The following ZNF681 variants were observed in gnomAD, a reference collection of about 807,000 sequenced individuals.
The protein encoded by ZNF681 is hypothetical protein FLJ31526.
ZNF681 carries 37 observed loss-of-function variants against 56.0 expected under a neutral mutation model. The observed-to-expected ratio is 0.66, with a 90% confidence interval of 0.51 to 0.87. The LOEUF (loss-of-function observed/expected upper bound fraction) is 0.87, where lower values mean the gene tolerates loss of function less well. Among genes scored for constraint, ZNF681 ranks in the 40% least tolerant of loss-of-function variants. The pLI is 0.00. For synonymous variants in ZNF681, 225 were observed against 248.6 expected (o/e 0.91, Z 0.89); for missense variants, 741 against 744.9 (o/e 0.99, Z 0.06).
At chr19:23,754,411 C>T (rs938541671) in intron 3 of ZNF681, among the ~76,000 whole-genome samples, 8 of 152,124 alleles carry the variant, frequency 5.3e-5, no homozygotes, top group Non-Finnish European at 1.0e-4. Context: ...TGCCTGTAAT[C>T]GCAGCACTTT....
chr19:23,741,427 A>G lies in ZNF681; in HGVS notation c.*2185T>C, dbSNP rs1284859383. 1.3e-5 allele frequency: 2 copies of G among 152,200 alleles called. No individual in the cohort carries two copies. The highest frequency in any genetic ancestry group is 2.9e-5 in the Non-Finnish European group (2 of 68,042). The allele number at this position is 152,200 out of a possible 1,614,324, so 9.4% of individuals were successfully genotyped here. On this transcript the variant is annotated 3_prime_UTR_variant, in exon 4 of 4. Coordinates refer to ENST00000402377, the MANE Select transcript of ZNF681 (RefSeq NM_138286.3). ...TTTAATGTACATTTGAAAACAACTA[A>G]AAGTGGCTGGGTGTGGTGGCTCCCA...
Position 23,744,175 on chromosome 19 carries a change from A to G in ZNF681, c.1375T>C (p.Phe459Leu), listed in dbSNP as rs1189406289. The part of the protein sequence containing the change: ...PYKCEECGKA[F>L]NQFSNLTTHK... ...GTAGTAAGGTTTGAGAACTGGTTAA[A>G]GGCTTTCCCACATTCTTCACATTTG... The change falls in exon 4 of 4, where the codon TTT (phenylalanine) becomes CTT (leucine). Residue 459 changes from phenylalanine (F) to leucine (L), a missense_variant. Physicochemically the swap from Phe to Leu is conservative, Grantham distance 22. Transcript: ENST00000402377. 6.8e-6 allele frequency: 11 copies of G among 1,613,298 alleles called. No homozygotes were observed. The Middle Eastern group carries it at 9.9e-4, about 145-fold the overall frequency.
intron 3 of ZNF681, among the ~76,000 whole-genome samples, chr19:23,753,422 G>C (rs928266610): frequency 3.9e-5 from 6 of 152,416 alleles, no homozygotes; most frequent in African/African-American, 1.4e-4. Context: ...ATTTACAATA[G>C]CATTAAAATA....
rs1968859812 is a variant in ZNF681 at position 23,740,120 on chromosome 19, A to C, written c.*3492T>G. 1 of 152,172 alleles carries C rather than the reference A, an allele frequency of 6.6e-6. No homozygotes were observed. Among genetic ancestry groups the C allele is most frequent in the Non-Finnish European group, 1.5e-5 (1 of 68,022 alleles). The allele number at this position is 152,172 out of a possible 1,614,324, so 9.4% of individuals were successfully genotyped here. ...TAACAAACAGAGAAAAACAACGCTAAATGATTTAATCCTTTCATCTGTGGA... is the reference window on the plus strand; with the variant it reads ...TAACAAACAGAGAAAAACAACGCTACATGATTTAATCCTTTCATCTGTGGA... On this transcript the variant is annotated 3_prime_UTR_variant, in exon 4 of 4. Coordinates refer to ENST00000402377, the MANE Select transcript of ZNF681 (RefSeq NM_138286.3).
At chr19:23,745,742 T>A (rs1185677127) in intron 3 of ZNF681, among the ~76,000 whole-genome samples, 1 of 151,106 alleles carries the variant, frequency 6.6e-6, no homozygotes, top group African/African-American at 2.4e-5. Flanking sequence ...TGAGCCACCG[T>A]GCTCGGCCCA....
intron 3 of ZNF681, among the ~76,000 whole-genome samples, chr19:23,750,308 A>AAAAAC (rs1969008719): frequency 7.7e-6 from 1 of 130,358 alleles, no homozygotes; most frequent in African/African-American, 2.9e-5. Context: ...AAAAAACCAA[A>AAAAAC]AAACAACTAA....
At chr19:23,758,329 A>T (rs1473032362) in intron 1 of ZNF681, among the ~76,000 whole-genome samples, 1 of 152,070 alleles carries the variant, frequency 6.6e-6, no homozygotes, top group African/African-American at 2.4e-5. Flanking sequence ...AAAGTGCTGG[A>T]ATTACACGCG....
intron 3 of ZNF681, 76 bp downstream of exon 3, chr19:23,754,747 T>C: frequency 1.7e-6 from 2 of 1,171,018 alleles, no homozygotes; most frequent in Non-Finnish European, 2.5e-6. Context: ...AATCACATTA[T>C]AAGCACTAGC....
rs368942900 is a variant in ZNF681, at chr19:23,741,163, C to A, written c.*2449G>T. 2 of 151,990 alleles carry A rather than the reference C, an allele frequency of 1.3e-5. No homozygotes were observed. The highest frequency in any genetic ancestry group is 3.9e-4 in the East Asian group (2 of 5,194). 9.4% of individuals were successfully genotyped at this position (151,990 alleles called of 1,614,324 possible). ...TAGAAACTCATACTCGCAAAGAAGG[C>A]ATTTATTTACTCCATAATTTTTTTA... On this transcript the variant is annotated 3_prime_UTR_variant, in exon 4 of 4. Transcript: ENST00000402377.
At chr19:23,749,995 A>G (rs1969000498) in intron 3 of ZNF681, among the ~76,000 whole-genome samples, 1 of 151,878 alleles carries the variant, frequency 6.6e-6, no homozygotes, top group African/African-American at 2.4e-5. Flanking sequence ...CTAAGAAAAA[A>G]AAAAAAGGGC....
chr19:23,744,789 T>C lies in ZNF681; in HGVS notation c.761A>G (p.Tyr254Cys), dbSNP rs775835533. The change falls in exon 4 of 4, where the codon TAC becomes TGC. Residue 254 changes from tyrosine to cysteine, a missense_variant. Physicochemically the swap from Tyr to Cys is radical, Grantham distance 194. Transcript: ENST00000402377. ...GGCTTTGCTACATTCTTCACGTTTG[T>C]AGAGTTTGTCTCTAGTATAAATTAT... ...HKIIYTRDKL[Y>C]KREECSKAFN... is the part of the protein sequence containing the mutation. The C allele has an allele frequency of 3.1e-6, 5 of 1,613,010 alleles. No homozygotes were observed. Among genetic ancestry groups the C allele is most frequent in the Non-Finnish European group, 4.2e-6 (5 of 1,179,564 alleles).
Position 23,745,238 on chromosome 19 carries a change from TC to T in ZNF681, c.311del (p.Gly104GlufsTer10). On this transcript the variant is annotated frameshift_variant, in exon 4 of 4. Transcript: ENST00000402377. LOFTEE classifies it high-confidence loss of function. ...ACTGTAAATTCTCATGTTCACATTTTCCATATCTTCTTGGTGTCACTTTTTG... is the reference window on the plus strand; with the variant it reads ...ACTGTAAATTCTCATGTTCACATTTTCATATCTTCTTGGTGTCACTTTTTG... ...SFQKVTPRRY[G>X]KCEHENLQLS... The T allele has an allele frequency of 1.2e-6, 2 of 1,611,152 alleles. No individual in the cohort carries two copies. The highest frequency in any genetic ancestry group is 4.5e-5 in the East Asian group (2 of 44,814).
intron 3 of ZNF681, among the ~76,000 whole-genome samples, chr19:23,753,681 T>A (rs1226488195): frequency 2.1e-5 from 3 of 141,050 alleles, no homozygotes; most frequent in African/African-American, 5.2e-5. Context: ...GCCAACATGG[T>A]GAAACTCTGT....
rs772474463 is a variant in ZNF681, at chr19:23,744,975, C to G, written c.575G>C (p.Cys192Ser). ...ACATTTGTAGAAATTTACTCTAGTACAAATTATTTTATGTTGAGTTAGGTT... is the reference window on the plus strand; with the variant it reads ...ACATTTGTAGAAATTTACTCTAGTAGAAATTATTTTATGTTGAGTTAGGTT... Reference protein sequence around the residue: ...FSNLTQHKIICTRVNFYKCED... With the variant: ...FSNLTQHKIISTRVNFYKCED... The change falls in exon 4 of 4, where the codon TGT (cysteine) becomes TCT (serine). Residue 192 changes from cysteine to serine, a missense_variant. Coordinates refer to ENST00000402377, the MANE Select transcript of ZNF681 (RefSeq NM_138286.3). 1 of 1,601,390 alleles carries G rather than the reference C, an allele frequency of 6.2e-7. No homozygotes were observed. The highest frequency in any genetic ancestry group is 8.5e-7 in the Non-Finnish European group (1 of 1,174,416).
In ZNF681 at chr19:23,744,009, G is replaced by C; in HGVS notation, c.1541C>G (p.Ala514Gly). The change falls in exon 4 of 4, where the codon GCT (alanine) becomes GGT (glycine). Residue 514 changes from alanine to glycine, a missense_variant. Transcript: ENST00000402377. ...AGTAAGTTTTGAGGATCGATAGAAAGCTTTGCCACATTCTTCACATTTGTA... is the reference window on the plus strand; with the variant it reads ...AGTAAGTTTTGAGGATCGATAGAAACCTTTGCCACATTCTTCACATTTGTA... ...KSYKCEECGK[A>G]FYRSSKLTEH... is the part of the protein sequence containing the mutation. The C allele has an allele frequency of 6.2e-7, 1 of 1,612,906 alleles. No homozygotes were observed. The highest frequency in any genetic ancestry group is 1.3e-5 in the African/African-American group (1 of 74,890).
rs945480898 is a variant in ZNF681, at chr19:23,758,852, A to G, written c.-103T>C. 1.3e-5 allele frequency: 19 copies of G among 1,512,254 alleles called. No individual in the cohort carries two copies. Among genetic ancestry groups the G allele is most frequent in the Admixed American group, 3.8e-5 (2 of 53,324 alleles). 93.7% of individuals were successfully genotyped at this position (1,512,254 alleles called of 1,614,324 possible). A position where few individuals can be genotyped will look rare whatever the true frequency, so the allele number is the denominator to read the frequency against. On this transcript the variant is annotated 5_prime_UTR_variant, in exon 1 of 4. Transcript: ENST00000402377. ...CCTCTAGAAGAAGAGGACACAGAGC[A>G]GTGAAGACGAGACCCGGAGCTCGGG...
chr19:23,742,534 A>T lies in ZNF681; in HGVS notation c.*1078T>A, dbSNP rs1310895082. The T allele has an allele frequency of 1.3e-5, 2 of 151,946 alleles. No individual in the cohort carries two copies. Among genetic ancestry groups the T allele is most frequent in the African/African-American group, 4.8e-5 (2 of 41,338 alleles). The allele number at this position is 151,946 out of a possible 1,614,324, so 9.4% of individuals were successfully genotyped here. A position where few individuals can be genotyped will look rare whatever the true frequency, so the allele number is the denominator to read the frequency against. Reference sequence around the variant, plus strand: ...AATTAGTAAAATGATATACCAGAAAATTTTTTTTCTCAATATAACACAGGA... The same window carrying T: ...AATTAGTAAAATGATATACCAGAAATTTTTTTTTCTCAATATAACACAGGA... On this transcript the variant is annotated 3_prime_UTR_variant, in exon 4 of 4. Transcript: ENST00000402377.
intron 3 of ZNF681, among the ~76,000 whole-genome samples, chr19:23,745,970 A>G (rs936531199): frequency 1.3e-5 from 2 of 152,194 alleles, no homozygotes; most frequent in African/African-American, 4.8e-5. Context: ...TAAATTGCCA[A>G]CTTCAATTGT....
In ZNF681 at chr19:23,744,035, G is replaced by A; in HGVS notation, c.1515C>T (p.Ser505=). The A allele has an allele frequency of 6.2e-7, 1 of 1,612,902 alleles. No individual in the cohort carries two copies. Among genetic ancestry groups the A allele is most frequent in the Non-Finnish European group, 8.5e-7 (1 of 1,179,804 alleles). The part of the protein sequence containing the change: ...THKRIHTGEK[S]YKCEECGKAF... The stretch of plus-strand genomic sequence containing the variant: ...CTTTGCCACATTCTTCACATTTGTA[G>A]GATTTCTCTCCAGTATGAATTCTCT... The change falls in exon 4 of 4, where the codon TCC becomes TCT. Residue 505 remains serine (S), a synonymous_variant. Transcript: ENST00000402377.
Sources: gnomAD v4.1 joint callset for allele counts (sites outside exome capture counted in the v4.1 genomes callset) on GRCh38, gnomAD v4.1.1 for gene constraint, MANE v1.5 for transcripts, NCBI Gene and HGNC (gene_info 2026-07-23, HGNC 2026-07-21) for gene names.